KCNH7: variants seen among roughly 807,000 people sequenced by gnomAD.
KCNH7 encodes potassium voltage-gated channel subfamily H member 7, also known as voltage-gated inwardly rectifying potassium channel KCNH7.
In KCNH7, 49 loss-of-function variants were observed where a neutral mutation model predicts 120.8. The ratio of observed to expected loss-of-function variants is 0.41; its 90% CI spans 0.32 to 0.51. The LOEUF is 0.51. Ranked by LOEUF, KCNH7 falls within the 20% of genes least tolerant of loss-of-function variation. The pLI is 0.38. For missense variants in KCNH7, 1,097 were observed against 1,446.6 expected, an observed-to-expected ratio of 0.76 and a Z score of 3.92; for synonymous variants, 547 against 516.1, an observed-to-expected ratio of 1.06 and a Z score of -0.81.
chr2:162,549,238 C>G lies in KCNH7; in HGVS notation c.308-12158G>C, dbSNP rs1692583358. Among the ~76,000 whole-genome samples, 5 of 152,350 alleles carry G rather than the reference C, an allele frequency of 3.3e-5. No individual in the cohort carries two copies. In the South Asian group the frequency reaches 1.0e-3, roughly 32 times the overall value. ...AATTTTCAGATAAGAGACTAAATCTCAGCTCCAGCTTTAGAATTTTTTACA... is the reference window on the plus strand; with the variant it reads ...AATTTTCAGATAAGAGACTAAATCTGAGCTCCAGCTTTAGAATTTTTTACA... On this transcript the variant is annotated intron_variant, in intron 2 of 15. Coordinates refer to ENST00000332142, the MANE Select transcript of KCNH7 (RefSeq NM_033272.4).
chr2:162,610,305 T>G (rs375195658), intron 2 of KCNH7, among the ~76,000 whole-genome samples: 32 of 145,992 alleles, frequency 2.2e-4, no homozygotes, highest in African/African-American at 8.0e-4. Context: ...CCACAGTTCC[T>G]TTAGAGAACA....
intron 2 of KCNH7, among the ~76,000 whole-genome samples, chr2:162,696,677 G>A (rs1445060888): frequency 6.6e-6 from 1 of 151,956 alleles, no homozygotes; most frequent in East Asian, 1.9e-4. Flanking sequence ...TCTAGGTTTA[G>A]AGCAAGGTCA....
intron 14 of KCNH7, 106 bp downstream of exon 14, chr2:162,379,747 G>A: frequency 9.3e-7 from 1 of 1,080,224 alleles, no homozygotes; most frequent in Non-Finnish European, 1.3e-6. Context: ...AATGTATAAG[G>A]AAATTATGAG....
chr2:162,378,081 C>A (rs780466909), intron 14 of KCNH7, among the ~76,000 whole-genome samples: 1 of 152,108 alleles, frequency 6.6e-6, no homozygotes, highest in Non-Finnish European at 1.5e-5. Flanking sequence ...AGGAATTATA[C>A]GTAGAGTAGG....
chr2:162,513,083 T>C (rs1691133457), intron 4 of KCNH7, among the ~76,000 whole-genome samples: 1 of 151,692 alleles, frequency 6.6e-6, no homozygotes, highest in South Asian at 2.1e-4. Flanking sequence ...ATGTTAAGTG[T>C]TTTTTTGCAT....
At chr2:162,411,308 C>T (rs1253298605) in intron 9 of KCNH7, among the ~76,000 whole-genome samples, 1 of 152,038 alleles carries the variant, frequency 6.6e-6, no homozygotes, top group African/African-American at 2.4e-5. Context: ...TCCTTTGCAG[C>T]AACATGGATG....
intron 6 of KCNH7, among the ~76,000 whole-genome samples, chr2:162,492,862 C>CTTTT (rs1421996623): frequency 2.2e-4 from 3 of 13,730 alleles, no homozygotes; most frequent in Non-Finnish European, 5.2e-4. Context: ...CTTCTTGGAT[C>CTTTT]TTGTTTTTTT....
intron 2 of KCNH7, among the ~76,000 whole-genome samples, chr2:162,697,914 T>C (rs1055450612): frequency 6.6e-6 from 1 of 152,124 alleles, no homozygotes; most frequent in Non-Finnish European, 1.5e-5. Flanking sequence ...TTTGCCTCAA[T>C]TTCTGAAAAC....
At chr2:162,613,765 G>A (rs909130209) in intron 2 of KCNH7, among the ~76,000 whole-genome samples, 1 of 151,684 alleles carries the variant, frequency 6.6e-6, no homozygotes, top group Admixed American at 6.6e-5. Context: ...TTCACTCGAA[G>A]GGCAAAAAAT....
At chr2:162,792,970 C>T (rs12614955) in intron 2 of KCNH7, among the ~76,000 whole-genome samples, 81,105 of 151,554 alleles carry the variant, frequency 0.54, 25,164 homozygotes, top group Non-Finnish European at 0.7. Context: ...TTATAAATTT[C>T]CCTCTTAATA....
intron 2 of KCNH7, among the ~76,000 whole-genome samples, chr2:162,612,345 G>C (rs1444683705): frequency 1.3e-5 from 2 of 152,092 alleles, no homozygotes; most frequent in Non-Finnish European, 2.9e-5. Flanking sequence ...TTGGTGAAAG[G>C]TGGACTTGAA....
intron 2 of KCNH7, among the ~76,000 whole-genome samples, chr2:162,579,459 C>T (rs763224442): frequency 4.6e-5 from 7 of 152,090 alleles, no homozygotes; most frequent in Non-Finnish European, 8.8e-5. Flanking sequence ...TCTTGATCCT[C>T]GGCTATGTCA....
chr2:162,495,258 A>G (rs899790135), intron 6 of KCNH7, among the ~76,000 whole-genome samples: 4 of 152,288 alleles, frequency 2.6e-5, no homozygotes, highest in Non-Finnish European at 5.9e-5. Context: ...AAAGCTCCTT[A>G]GGAACTTTGG....
chr2:162,652,456 T>C (rs1435006), intron 2 of KCNH7, among the ~76,000 whole-genome samples: 37,237 of 151,968 alleles, frequency 0.25, 7,132 homozygotes, highest in African/African-American at 0.52. Flanking sequence ...TGTGGGGGAT[T>C]GTTTCAGGAT....
intron 9 of KCNH7, among the ~76,000 whole-genome samples, chr2:162,406,531 A>G (rs1687229178): frequency 6.6e-6 from 1 of 151,884 alleles, no homozygotes; most frequent in African/African-American, 2.4e-5. Context: ...TTCTAGGGAA[A>G]TTTTCTGGGT....
chr2:162,654,060 A>T (rs1684658366), intron 2 of KCNH7, among the ~76,000 whole-genome samples: 1 of 152,012 alleles, frequency 6.6e-6, no homozygotes, highest in Admixed American at 6.5e-5. Context: ...AAACATAGGA[A>T]AAAAGCTCCA....
At position 162,669,320 on chromosome 2, in the gene KCNH7, C is replaced by T. The variant is rs528922537; in HGVS notation, c.308-132240G>A. Among the ~76,000 whole-genome samples, 5 of 152,216 alleles carry T rather than the reference C, an allele frequency of 3.3e-5. No homozygotes were observed. In the South Asian group the frequency reaches 6.2e-4, roughly 19 times the overall value. The stretch of plus-strand genomic sequence containing the variant: ...AAAATGATGTAACTTAGATACATCA[C>T]TGAAAAACTGCAGGACTTCAAAGAC... On this transcript the variant is annotated intron_variant, in intron 2 of 15. Transcript: ENST00000332142.
At chr2:162,580,213 C>T (rs949393853) in intron 2 of KCNH7, among the ~76,000 whole-genome samples, 2 of 152,128 alleles carry the variant, frequency 1.3e-5, no homozygotes, top group Admixed American at 1.3e-4. Flanking sequence ...ATTTATGGTT[C>T]ACAGCACACG....
chr2:162,416,922 A>T (rs1687558516), intron 9 of KCNH7, among the ~76,000 whole-genome samples: 1 of 152,154 alleles, frequency 6.6e-6, no homozygotes, highest in East Asian at 1.9e-4. Flanking sequence ...TATTTTTTCC[A>T]TCCACACTCA....
Sources: allele counts gnomAD v4.1 joint callset (sites outside exome capture counted in the v4.1 genomes callset), GRCh38; gene constraint gnomAD v4.1.1; transcripts MANE v1.5; gene names NCBI Gene and HGNC (gene_info 2026-07-23, HGNC 2026-07-21).